The following CNOT6 variants were observed in gnomAD, a reference collection of about 807,000 sequenced individuals.
CNOT6 encodes carbon catabolite repression 4 protein.
CNOT6 carries 12 observed loss-of-function variants against 61.2 expected under a neutral mutation model. That is an observed-to-expected ratio of 0.20 (90% CI 0.13 to 0.32). The LOEUF (loss-of-function observed/expected upper bound fraction) is 0.32. Ranked by LOEUF, CNOT6 falls within the 10% of genes least tolerant of loss-of-function variation. CNOT6 has a pLI of 1.00. For missense variants in CNOT6, 405 were observed against 663.9 expected (o/e 0.61, Z 4.28); for synonymous variants, 225 against 240.6 (o/e 0.94, Z 0.60).
intron 1 of CNOT6, among the ~76,000 whole-genome samples, chr5:180,513,703 A>ATT (rs1233427546): frequency 1.4e-5 from 2 of 140,588 alleles, no homozygotes; most frequent in African/African-American, 5.4e-5. Flanking sequence ...ATTTATTTTT[A>ATT]TTTATTTATT....
At chr5:180,515,383 G>C (rs1757588607) in intron 1 of CNOT6, among the ~76,000 whole-genome samples, 1 of 152,160 alleles carries the variant, frequency 6.6e-6, no homozygotes, top group Non-Finnish European at 1.5e-5. Context: ...CAAAGTCTTA[G>C]AACTAGGTTT....
rs566016600 is a variant in CNOT6 at position 180,500,278 on chromosome 5, T to TGCC, written c.-3+5515_-3+5516insGCC. Among the ~76,000 whole-genome samples, 68 of 151,818 alleles carry TGCC rather than the reference T, an allele frequency of 4.5e-4. No individual in the cohort carries two copies. The South Asian group carries it at 0.014, about 30-fold the overall frequency. ...GGTGTGTGCCACCACACCTGGCTGA[T>TGCC]TTTTCTTATTTTTAGTAGAGATGAG... is the stretch of plus-strand genomic sequence containing the variant. On this transcript the variant is annotated intron_variant, in intron 1 of 11. Coordinates refer to ENST00000261951, the MANE Select transcript of CNOT6 (RefSeq NM_001370472.1).
intron 4 of CNOT6, among the ~76,000 whole-genome samples, chr5:180,557,382 C>A (rs1213058956): frequency 7.6e-6 from 1 of 132,116 alleles, no homozygotes; most frequent in Non-Finnish European, 1.7e-5. Context: ...TTCTCTGCAT[C>A]CTCACCAGCA....
chr5:180,506,787 T>G (rs980190122), intron 1 of CNOT6, among the ~76,000 whole-genome samples: 1 of 152,220 alleles, frequency 6.6e-6, no homozygotes, highest in Admixed American at 6.5e-5. Context: ...TTAAGGCTTC[T>G]TTTGCACTCT....
chr5:180,508,721 C>T (rs1352854264), intron 1 of CNOT6, among the ~76,000 whole-genome samples: 1 of 152,110 alleles, frequency 6.6e-6, no homozygotes, highest in African/African-American at 2.4e-5. Context: ...CTCTAGAGCT[C>T]AAGCAATCCT....
chr5:180,503,818 A>T (rs1470801494), intron 1 of CNOT6, among the ~76,000 whole-genome samples: 1 of 149,900 alleles, frequency 6.7e-6, no homozygotes, highest in Non-Finnish European at 1.5e-5. Context: ...GTTGGTCAGG[A>T]TGGTCTCGAT....
intron 1 of CNOT6, among the ~76,000 whole-genome samples, chr5:180,497,732 C>T (rs72811134): frequency 0.019 from 2,881 of 152,192 alleles, 38 homozygotes; most frequent in Non-Finnish European, 0.027. Context: ...ATTAATAAAA[C>T]GCTGTGTATG....
chr5:180,566,840 A>T (rs1359985249), intron 7 of CNOT6, among the ~76,000 whole-genome samples: 1 of 151,406 alleles, frequency 6.6e-6, no homozygotes, highest in African/African-American at 2.4e-5. Flanking sequence ...TTTAGTAGAG[A>T]TGGGGTTTCG....
intron 2 of CNOT6, among the ~76,000 whole-genome samples, chr5:180,543,529 C>T (rs1046431219): frequency 3.3e-5 from 5 of 152,148 alleles, no homozygotes; most frequent in African/African-American, 1.2e-4. Context: ...ATGCTCGATT[C>T]ATGATCGTTT....
intron 1 of CNOT6, among the ~76,000 whole-genome samples, chr5:180,507,249 CT>C (rs1456345659): frequency 6.6e-6 from 1 of 152,166 alleles, no homozygotes; most frequent in Non-Finnish European, 1.5e-5. Context: ...ACTCAACTTA[CT>C]TGTTTTGTAA....
chr5:180,561,767 G>A (rs1760201110), intron 4 of CNOT6, among the ~76,000 whole-genome samples: 1 of 152,212 alleles, frequency 6.6e-6, no homozygotes, highest in Non-Finnish European at 1.5e-5. Context: ...TCTTCACGCG[G>A]CCTCCACAGG....
In CNOT6 at chr5:180,567,255, A is replaced by T; in HGVS notation, c.872+13A>T. ...TCAAGACAGAAAAGTAAGTCATCTT[A>T]TTTTTTAAAAAGAACGTTTTCTCAG... On this transcript the variant is annotated intron_variant, in intron 8 of 11. Coordinates refer to ENST00000261951, the MANE Select transcript of CNOT6 (RefSeq NM_001370472.1). 6.3e-7 allele frequency: 1 copy of T among 1,593,506 alleles called. No homozygotes were observed. The highest frequency in any genetic ancestry group is 8.5e-7 in the Non-Finnish European group (1 of 1,174,176).
intron 2 of CNOT6, among the ~76,000 whole-genome samples, chr5:180,546,588 C>T (rs1364409752): frequency 6.6e-6 from 1 of 152,212 alleles, no homozygotes; most frequent in African/African-American, 2.4e-5. Flanking sequence ...TCATAACACC[C>T]ACGTTATCTT....
chr5:180,542,267 ATT>A (rs796918574), intron 2 of CNOT6, among the ~76,000 whole-genome samples: 14 of 140,610 alleles, frequency 1.0e-4, no homozygotes, highest in East Asian at 2.0e-4. Flanking sequence ...TGGGCTACCA[ATT>A]TTTTTTTTTT....
At chr5:180,540,767 G>T (rs1758991446) in intron 2 of CNOT6, among the ~76,000 whole-genome samples, 1 of 152,022 alleles carries the variant, frequency 6.6e-6, no homozygotes, top group Admixed American at 6.6e-5. Context: ...CTCCTCTCCT[G>T]GCCTCTATGC....
intron 1 of CNOT6, among the ~76,000 whole-genome samples, chr5:180,527,033 C>A (rs1758133067): frequency 6.6e-6 from 1 of 152,014 alleles, no homozygotes; most frequent in Non-Finnish European, 1.5e-5. Flanking sequence ...GTGTATACCA[C>A]CATGCTTGGC....
intron 2 of CNOT6, among the ~76,000 whole-genome samples, chr5:180,547,825 C>G (rs1215572580): frequency 6.6e-6 from 1 of 152,094 alleles, no homozygotes; most frequent in Non-Finnish European, 1.5e-5. Flanking sequence ...CCGCCACCTC[C>G]CGGGTTCAAG....
chr5:180,544,820 G>A (rs1483374382), intron 2 of CNOT6, among the ~76,000 whole-genome samples: 6 of 152,156 alleles, frequency 3.9e-5, no homozygotes, highest in Non-Finnish European at 8.8e-5. Flanking sequence ...GGAACCAGGC[G>A]CAGTGGCTCA....
chr5:180,520,256 GT>G (rs1457895933), intron 1 of CNOT6, among the ~76,000 whole-genome samples: 1 of 87,888 alleles, frequency 1.1e-5, no homozygotes, highest in African/African-American at 2.9e-5. Context: ...GTTTCAAAGA[GT>G]TTTTAAATAA....
Sources: allele counts gnomAD v4.1 joint callset (sites outside exome capture counted in the v4.1 genomes callset), GRCh38; gene constraint gnomAD v4.1.1; transcripts MANE v1.5; gene names NCBI Gene and HGNC (gene_info 2026-07-23, HGNC 2026-07-21).